Variants in TBC1D5 observed in about 807,000 individuals in gnomAD.
TBC1D5 encodes the protein TBC1 domain family member 5.
TBC1D5 carries 75 observed loss-of-function variants against 100.3 expected under a neutral mutation model. The observed-to-expected ratio is 0.75, with a 90% confidence interval of 0.62 to 0.91. The LOEUF is 0.91. TBC1D5 is among the 40% of genes least tolerant of loss of function. TBC1D5 has a pLI of 0.00. For missense variants in TBC1D5, 910 were observed against 942.4 expected, an observed-to-expected ratio of 0.97 and a Z score of 0.45; for synonymous variants, 323 against 325.6, an observed-to-expected ratio of 0.99 and a Z score of 0.09.
intron 16 of TBC1D5, among the ~76,000 whole-genome samples, chr3:17,255,332 C>G (rs186166922): frequency 6.6e-6 from 1 of 152,248 alleles, no homozygotes; most frequent in African/African-American, 2.4e-5. Context: ...TCCCGAGTAG[C>G]TGGGACTACA....
chr3:17,634,133 T>C (rs2063710414), intron 1 of TBC1D5, among the ~76,000 whole-genome samples: 1 of 152,070 alleles, frequency 6.6e-6, no homozygotes, highest in Non-Finnish European at 1.5e-5. Flanking sequence ...GGAATGTAAA[T>C]TAGTACAACC....
chr3:17,664,627 A>C (rs2067032699), intron 1 of TBC1D5, among the ~76,000 whole-genome samples: 1 of 152,206 alleles, frequency 6.6e-6, no homozygotes, highest in South Asian at 2.1e-4. Flanking sequence ...GACAATTTGC[A>C]TTTCAGCTTT....
chr3:17,158,412 G>C (rs951906885), exon 22 of TBC1D5: 23 of 152,050 alleles, frequency 1.5e-4, no homozygotes, highest in Admixed American at 1.4e-3. Flanking sequence ...TAATAAAAAG[G>C]AGCACATATT....
chr3:17,662,053 C>A (rs1366365118), intron 1 of TBC1D5, among the ~76,000 whole-genome samples: 1 of 152,070 alleles, frequency 6.6e-6, no homozygotes, highest in Non-Finnish European at 1.5e-5. Context: ...ACATGTCCAG[C>A]TAATTTTTAA....
chr3:17,497,133 C>G (rs1350576136), intron 3 of TBC1D5, among the ~76,000 whole-genome samples: 10 of 133,670 alleles, frequency 7.5e-5, no homozygotes, highest in Admixed American at 7.1e-4. Context: ...CACACACACA[C>G]ACACCATCCT....
At chr3:17,537,405 A>C (rs2096292895) in intron 2 of TBC1D5, among the ~76,000 whole-genome samples, 1 of 152,186 alleles carries the variant, frequency 6.6e-6, no homozygotes, top group Admixed American at 6.5e-5. Flanking sequence ...AGGAGGTAAC[A>C]AGGCACGTCC....
intron 2 of TBC1D5, among the ~76,000 whole-genome samples, chr3:17,602,941 C>T (rs943269101): frequency 2.0e-5 from 3 of 151,900 alleles, no homozygotes; most frequent in African/African-American, 4.8e-5. Flanking sequence ...GTTGGCCAGA[C>T]GGAACCAAAA....
intron 1 of TBC1D5, among the ~76,000 whole-genome samples, chr3:17,639,654 A>G (rs2064312809): frequency 6.6e-6 from 1 of 152,074 alleles, no homozygotes; most frequent in Non-Finnish European, 1.5e-5. Context: ...GTCTGAGGGG[A>G]TCAATTTTGT....
chr3:17,485,265 A>G (rs2095548409), intron 3 of TBC1D5, among the ~76,000 whole-genome samples: 1 of 151,612 alleles, frequency 6.6e-6, no homozygotes, highest in Non-Finnish European at 1.5e-5. Flanking sequence ...AATTACTTTT[A>G]AAGATAGAAT....
chr3:17,356,245 T>C (rs1218638789), intron 13 of TBC1D5, among the ~76,000 whole-genome samples: 2 of 152,198 alleles, frequency 1.3e-5, no homozygotes, highest in African/African-American at 4.8e-5. Context: ...GGCTGGGGAC[T>C]ATTGAGCTTT....
At chr3:17,485,282 A>G (rs1334214805) in intron 3 of TBC1D5, among the ~76,000 whole-genome samples, 1 of 148,968 alleles carries the variant, frequency 6.7e-6, no homozygotes, top group Non-Finnish European at 1.5e-5. Flanking sequence ...GAATTTTTTT[A>G]GTAAAATTTT....
At chr3:17,674,241 C>G (rs2068338497) in intron 1 of TBC1D5, among the ~76,000 whole-genome samples, 1 of 152,098 alleles carries the variant, frequency 6.6e-6, no homozygotes, top group African/African-American at 2.4e-5. Context: ...AACTCCATTT[C>G]TTTATATGCC....
chr3:17,366,776 C>T (rs1433434739), intron 13 of TBC1D5, among the ~76,000 whole-genome samples: 1 of 151,988 alleles, frequency 6.6e-6, no homozygotes, highest in Non-Finnish European at 1.5e-5. Context: ...ACTTGGCATT[C>T]AACATAATTA....
intron 1 of TBC1D5, among the ~76,000 whole-genome samples, chr3:17,737,051 T>G (rs970636221): frequency 3.9e-5 from 6 of 152,026 alleles, no homozygotes. Flanking sequence ...TCCCACCTGT[T>G]GTGGGAAACT....
At chr3:17,256,447 TTGTGTTATATATATATAAACTCAA>T (rs2077689458) in intron 16 of TBC1D5, among the ~76,000 whole-genome samples, 1 of 147,490 alleles carries the variant, frequency 6.8e-6, no homozygotes, top group East Asian at 2.0e-4. Context: ...TATAAACTCA[TTGTGTTATATATATATAAACTCAA>T]TGTGTTATAT....
chr3:17,566,488 A>G (rs1288359002), intron 2 of TBC1D5, among the ~76,000 whole-genome samples: 1 of 151,942 alleles, frequency 6.6e-6, no homozygotes, highest in Non-Finnish European at 1.5e-5. Flanking sequence ...CTTGAAATTA[A>G]TAAAAGTAGG....
chr3:17,688,236 T>C (rs1401339299), intron 1 of TBC1D5, among the ~76,000 whole-genome samples: 1 of 152,102 alleles, frequency 6.6e-6, no homozygotes, highest in Non-Finnish European at 1.5e-5. Context: ...TACTAGTATA[T>C]ATATACACAT....
At chr3:17,270,257 T>G (rs1395571493) in intron 15 of TBC1D5, among the ~76,000 whole-genome samples, 1 of 152,180 alleles carries the variant, frequency 6.6e-6, no homozygotes, top group Non-Finnish European at 1.5e-5. Flanking sequence ...ATGTTGAGCA[T>G]TTTTTCATAT....
intron 1 of TBC1D5, among the ~76,000 whole-genome samples, chr3:17,721,177 A>T (rs1288091529): frequency 1.3e-5 from 2 of 152,158 alleles, no homozygotes; most frequent in African/African-American, 4.8e-5. Flanking sequence ...AAAAAATTAT[A>T]TTTGTGTCTC....
Sources: allele counts gnomAD v4.1 joint callset (sites outside exome capture counted in the v4.1 genomes callset), GRCh38; gene constraint gnomAD v4.1.1; transcripts MANE v1.5; gene names NCBI Gene and HGNC (gene_info 2026-07-23, HGNC 2026-07-21).